Variants in NLGN1 observed in about 807,000 individuals in gnomAD.
NLGN1 encodes the protein neuroligin 1, also known as neuroligin-1.
A neutral mutation model predicts 65.5 loss-of-function variants in NLGN1; 12 were observed. That is an observed-to-expected ratio of 0.18 (90% CI 0.12 to 0.30). NLGN1 has a LOEUF of 0.30. NLGN1 is among the 10% of genes least tolerant of loss of function. NLGN1 has a pLI of 1.00. For missense variants in NLGN1, 750 were observed against 1,007.1 expected (o/e 0.74, Z 3.46); for synonymous variants, 350 against 359.5 (o/e 0.97, Z 0.30).
the NLGN1 span, among the ~76,000 whole-genome samples, chr3:174,293,034 GA>G: frequency 6.6e-6 from 1 of 150,660 alleles, no homozygotes; most frequent in South Asian, 2.1e-4. Flanking sequence ...TAAATTGCAA[GA>G]AAAAAAACAC....
At chr3:174,020,154 C>A (rs1440743637) in intron 4 of NLGN1, among the ~76,000 whole-genome samples, 1 of 152,044 alleles carries the variant, frequency 6.6e-6, no homozygotes, top group Non-Finnish European at 1.5e-5. Context: ...CTTTCATTTA[C>A]CCAAATTACA....
At chr3:173,426,500 TG>T (rs1186845129) in intron 1 of NLGN1, among the ~76,000 whole-genome samples, 2 of 152,100 alleles carry the variant, frequency 1.3e-5, no homozygotes, top group Non-Finnish European at 1.5e-5. Context: ...TTTTGGGGTA[TG>T]TTTTTTTCTA....
chr3:174,205,072 T>G (rs1735154208), intron 4 of NLGN1, among the ~76,000 whole-genome samples: 1 of 152,182 alleles, frequency 6.6e-6, no homozygotes, highest in Admixed American at 6.5e-5. Flanking sequence ...AGCAAACTAT[T>G]GTGGCATTTT....
At chr3:173,531,537 ATTGTAT>A (rs529065047) in intron 2 of NLGN1, among the ~76,000 whole-genome samples, 8 of 147,560 alleles carry the variant, frequency 5.4e-5, no homozygotes, top group African/African-American at 2.0e-4. Flanking sequence ...TTTCTTAAAA[ATTGTAT>A]TTGTTTTTAC....
At chr3:173,547,734 G>A (rs922132156) in intron 2 of NLGN1, among the ~76,000 whole-genome samples, 1 of 152,096 alleles carries the variant, frequency 6.6e-6, no homozygotes, top group Non-Finnish European at 1.5e-5. Flanking sequence ...ATGGATTAGT[G>A]GTTTGAATTC....
rs187924236 is a variant in NLGN1 at position 173,867,290 on chromosome 3, G to A, written c.646+59458G>A. Reference sequence around the variant, plus strand: ...CCCTGTATTGATACAGAAAGTAGAGGCAATCTTTGCCTATAGCTTGATTTT... The same window carrying A: ...CCCTGTATTGATACAGAAAGTAGAGACAATCTTTGCCTATAGCTTGATTTT... On this transcript the variant is annotated intron_variant, in intron 4 of 6. Coordinates refer to ENST00000457714, the Ensembl canonical transcript of NLGN1. 5.9e-5 allele frequency among the ~76,000 whole-genome samples: 9 copies of A among 152,146 alleles called. No homozygotes were observed. The East Asian group carries it at 1.5e-3, about 26-fold the overall frequency.
At chr3:173,600,625 G>A (rs1373625632) in intron 2 of NLGN1, among the ~76,000 whole-genome samples, 1 of 86,560 alleles carries the variant, frequency 1.2e-5, no homozygotes, top group Non-Finnish European at 2.4e-5. Flanking sequence ...TAAAAGGTAC[G>A]TAAAGTTATA....
At chr3:174,020,910 G>A (rs1432941482) in intron 4 of NLGN1, among the ~76,000 whole-genome samples, 1 of 151,916 alleles carries the variant, frequency 6.6e-6, no homozygotes, top group Non-Finnish European at 1.5e-5. Context: ...TTAGAAGTGT[G>A]GTCTGTGTTT....
At chr3:173,699,759 G>A (rs542129139) in intron 3 of NLGN1, among the ~76,000 whole-genome samples, 1 of 152,288 alleles carries the variant, frequency 6.6e-6, no homozygotes, top group Non-Finnish European at 1.5e-5. Context: ...GAAAGGTATA[G>A]GAGAAGCAGC....
chr3:173,818,174 T>TA (rs1553859401), intron 4 of NLGN1, among the ~76,000 whole-genome samples: 3 of 152,190 alleles, frequency 2.0e-5, no homozygotes, highest in East Asian at 1.9e-4. Context: ...TTTACAATGT[T>TA]AAAAAAGTCA....
chr3:174,242,647 G>A (rs1208202526), intron 4 of NLGN1, among the ~76,000 whole-genome samples: 1 of 151,944 alleles, frequency 6.6e-6, no homozygotes, highest in African/African-American at 2.4e-5. Context: ...TCCCATCTCT[G>A]CCAGATAGAA....
intron 3 of NLGN1, among the ~76,000 whole-genome samples, chr3:173,754,134 C>T (rs1776749968): frequency 6.6e-6 from 1 of 150,736 alleles, no homozygotes; most frequent in Non-Finnish European, 1.5e-5. Context: ...GTAACCTCTG[C>T]CTCTCAGGCT....
intron 4 of NLGN1, among the ~76,000 whole-genome samples, chr3:174,044,513 GTCT>G (rs911517587): frequency 7.2e-5 from 11 of 152,226 alleles, no homozygotes; most frequent in Non-Finnish European, 1.5e-4. Context: ...AATGCCACCA[GTCT>G]CTTTGCTAAA....
At chr3:173,999,498 C>T (rs955691238) in intron 4 of NLGN1, among the ~76,000 whole-genome samples, 3 of 152,048 alleles carry the variant, frequency 2.0e-5, no homozygotes, top group Non-Finnish European at 4.4e-5. Flanking sequence ...TTCAACCGTA[C>T]ATCTTGTAAT....
chr3:173,692,150 G>A lies in NLGN1; in HGVS notation c.493+87059G>A, dbSNP rs560430674. Among the ~76,000 whole-genome samples, 19 of 152,094 alleles carry A rather than the reference G, an allele frequency of 1.2e-4. No homozygotes were observed. The South Asian group carries it at 3.9e-3, about 32-fold the overall frequency. ...ATTATAATTCTCTTTTCATTTACTT[G>A]TTAGACATAAGGCATTCTCAACTGG... On this transcript the variant is annotated intron_variant, in intron 3 of 6. Transcript: ENST00000457714.
intron 4 of NLGN1, among the ~76,000 whole-genome samples, chr3:174,188,454 C>T (rs1731814084): frequency 6.6e-6 from 1 of 152,006 alleles, no homozygotes; most frequent in South Asian, 2.1e-4. Flanking sequence ...CAGGTGTCCT[C>T]TTATTTAGTC....
intron 4 of NLGN1, among the ~76,000 whole-genome samples, chr3:174,118,434 TAAAAC>T (rs749835259): frequency 1.3e-5 from 2 of 152,108 alleles, no homozygotes; most frequent in African/African-American, 2.4e-5. Flanking sequence ...CTCTGAGAAT[TAAAAC>T]AAATAATAAG....
chr3:173,567,727 G>A (rs560147801), intron 2 of NLGN1, among the ~76,000 whole-genome samples: 1 of 151,904 alleles, frequency 6.6e-6, no homozygotes, highest in African/African-American at 2.4e-5. Context: ...ATTGTGAGGA[G>A]CATATTTCCA....
intron 3 of NLGN1, among the ~76,000 whole-genome samples, chr3:173,690,754 A>G (rs2149822530): frequency 6.6e-6 from 1 of 152,306 alleles, no homozygotes; most frequent in African/African-American, 2.4e-5. Context: ...ATGCACAACG[A>G]GGCATAGATT....
Sources: gnomAD v4.1 joint callset for allele counts (sites outside exome capture counted in the v4.1 genomes callset) on GRCh38, gnomAD v4.1.1 for gene constraint, MANE v1.5 for transcripts, NCBI Gene and HGNC (gene_info 2026-07-23, HGNC 2026-07-21) for gene names.